BCAP31: variants seen among roughly 807,000 people sequenced by gnomAD.
BCAP31 encodes the protein B-cell receptor-associated protein 31.
For missense variants in BCAP31, 124 were observed against 193.0 expected (o/e 0.64, Z 2.12); for synonymous variants, 75 against 80.9 (o/e 0.93, Z 0.39).
At chrX:153,704,806 G>C (rs782617092) in intron 4 of BCAP31, 5 of 111,942 alleles carry the variant, frequency 4.5e-5, no homozygotes, top group Non-Finnish European at 9.4e-5. Flanking sequence ...GAACACATCC[G>C]TTATGTAACA....
At chrX:153,705,355 C>A in intron 4 of BCAP31, 1 of 113,282 alleles carries the variant, frequency 8.8e-6, no homozygotes, top group East Asian at 2.8e-4. Flanking sequence ...AAGTACCCAC[C>A]CGGGCCAGGA....
chrX:153,704,534 T>A (rs2091541607), intron 4 of BCAP31, among the ~76,000 whole-genome samples: 1 of 112,247 alleles, frequency 8.9e-6, no homozygotes, highest in Admixed American at 9.4e-5. Flanking sequence ...TCCTCACATC[T>A]ACCTGATGAG....
intron 2 of BCAP31, 140 bp from the exon 3 acceptor site, chrX:153,721,112 C>A: frequency 2.1e-6 from 1 of 485,266 alleles, no homozygotes; most frequent in Non-Finnish European, 3.5e-6. Flanking sequence ...CAGTGGCTTG[C>A]AATTCTCTAA....
chrX:153,712,704 T>G (rs183612089), intron 4 of BCAP31, among the ~76,000 whole-genome samples: 1 of 112,129 alleles, frequency 8.9e-6, no homozygotes, highest in African/African-American at 3.2e-5. Context: ...GAAACGGTGA[T>G]CCCAGAGATC....
intron 5 of BCAP31, among the ~76,000 whole-genome samples, chrX:153,703,668 G>C (rs1345180998): frequency 8.9e-6 from 1 of 112,515 alleles, no homozygotes; most frequent in Non-Finnish European, 1.9e-5. Flanking sequence ...CACAGCAGAG[G>C]GCCTGGCTCA....
At chrX:153,708,266 G>A (rs2091567304) in intron 4 of BCAP31, among the ~76,000 whole-genome samples, 1 of 112,510 alleles carries the variant, frequency 8.9e-6, no homozygotes, top group African/African-American at 3.2e-5. Flanking sequence ...CCACAGACTA[G>A]AGAAACAGGG....
In BCAP31 at chrX:153,711,948, A is replaced by G. The variant is rs189900051; in HGVS notation, c.341+3594T>C. Among the ~76,000 whole-genome samples, 384 of 110,984 alleles carry G rather than the reference A, an allele frequency of 3.5e-3. 1 individual carries two copies. The highest frequency in any genetic ancestry group is 0.012 in the African/African-American group (356 of 30,674). On this transcript the variant is annotated intron_variant, in intron 4 of 7. Transcript: ENST00000345046. ...AAGAAAGAAAGAAAAAGAAAAAGAAAAAAATCAACAGCAACAAAAAAGAAA... is the reference window on the plus strand; with the variant it reads ...AAGAAAGAAAGAAAAAGAAAAAGAAGAAAATCAACAGCAACAAAAAAGAAA...
At chrX:153,709,378 G>C (rs1293717229) in intron 4 of BCAP31, among the ~76,000 whole-genome samples, 1 of 112,143 alleles carries the variant, frequency 8.9e-6, no homozygotes, top group Non-Finnish European at 1.9e-5. Flanking sequence ...CACACAAACA[G>C]GGGCCTTCCT....
chrX:153,700,868 C>T lies in BCAP31; in HGVS notation c.*69G>A, dbSNP rs1330754771. ...AAACAGAAGTACTGGAGGGAGAGGC[C>T]GGGCTCTCAGGAAGCAGCAGGCACG... On this transcript the variant is annotated 3_prime_UTR_variant, in exon 8 of 8. Transcript: ENST00000345046. 2.6e-5 allele frequency: 28 copies of T among 1,077,947 alleles called. No individual in the cohort carries two copies. In the African/African-American group the frequency reaches 4.4e-4, roughly 17 times the overall value. The allele number at this position is 1,077,947 out of a possible 1,213,427, so 88.8% of individuals were successfully genotyped here. A position where few individuals can be genotyped will look rare whatever the true frequency, so the allele number is the denominator to read the frequency against.
At chrX:153,720,818 C>A in intron 3 of BCAP31, 54 bp downstream of exon 3, 9 of 1,127,342 alleles carry the variant, frequency 8.0e-6, no homozygotes, top group Non-Finnish European at 1.1e-5. Context: ...AAGGGTTTTG[C>A]AGCAGAGACC....
chrX:153,723,703 GA>G (rs1557051636), intron 1 of BCAP31: 1 of 1,146,638 alleles, frequency 8.7e-7, no homozygotes, highest in East Asian at 3.3e-5. Flanking sequence ...CTCAGCCGCA[GA>G]GGCGGGCGCT....
At chrX:153,710,378 G>C (rs782142829) in intron 4 of BCAP31, among the ~76,000 whole-genome samples, 3 of 111,890 alleles carry the variant, frequency 2.7e-5, no homozygotes, top group East Asian at 5.6e-4. Flanking sequence ...TTCATGGGTG[G>C]AGTCCAGCTC....
intron 2 of BCAP31, among the ~76,000 whole-genome samples, chrX:153,722,119 T>C (rs1193971525): frequency 1.8e-5 from 2 of 111,225 alleles, no homozygotes. Context: ...AGACCTCACA[T>C]CATTTCCATC....
chrX:153,718,028 G>C (rs2091641179), intron 3 of BCAP31, among the ~76,000 whole-genome samples: 1 of 111,819 alleles, frequency 8.9e-6, no homozygotes, highest in South Asian at 3.7e-4. Flanking sequence ...GCTATAAAAA[G>C]ATGTTGGCCG....
chrX:153,707,059 C>T lies in BCAP31; in HGVS notation c.342-2965G>A, dbSNP rs181549485. On this transcript the variant is annotated intron_variant, in intron 4 of 7. Transcript: ENST00000345046. Reference sequence around the variant, plus strand: ...ACCTAACCCCTCACCATTCCTGGAACACGCCTGGCTCTGTGTGGCAGTTCT... The same window carrying T: ...ACCTAACCCCTCACCATTCCTGGAATACGCCTGGCTCTGTGTGGCAGTTCT... Among the ~76,000 whole-genome samples the T allele has an allele frequency of 7.2e-3, 799 of 111,339 alleles. 4 individuals carry two copies. The highest frequency in any genetic ancestry group is 0.025 in the African/African-American group (778 of 30,582).
intron 4 of BCAP31, among the ~76,000 whole-genome samples, chrX:153,711,621 G>C (rs1183524242): frequency 8.9e-6 from 1 of 112,540 alleles, no homozygotes; most frequent in African/African-American, 3.2e-5. Context: ...GAAAGAAAGA[G>C]AGGTGGGTGT....
At chrX:153,703,834 A>G in intron 5 of BCAP31, 125 bp downstream of exon 5, 1 of 1,020,538 alleles carries the variant, frequency 9.8e-7, no homozygotes, top group African/African-American at 1.9e-5. Flanking sequence ...CCTCCACCCA[A>G]CTCTGGCTTT....
At chrX:153,702,887 G>A (rs1557047672) in intron 6 of BCAP31, 48 bp downstream of exon 6, 8 of 1,197,113 alleles carry the variant, frequency 6.7e-6, no homozygotes, top group Admixed American at 2.2e-5. Context: ...GGGCAGAGGA[G>A]GCTCCTCTGG....
chrX:153,724,128 ACCGCCCCCCGCC>A (rs1207364117), intron 1 of BCAP31, 194 bp downstream of exon 1: 29 of 261,188 alleles, frequency 1.1e-4, no homozygotes, highest in Non-Finnish European at 6.4e-5. Context: ...GTGGGGCTTC[ACCGCCCCCCGCC>A]CCGCCCCCGA....
Sources: allele counts gnomAD v4.1 joint callset (sites outside exome capture counted in the v4.1 genomes callset), GRCh38; gene constraint gnomAD v4.1.1; transcripts MANE v1.5; gene names NCBI Gene and HGNC (gene_info 2026-07-23, HGNC 2026-07-21).